The following CDH15 variants were observed in gnomAD, a reference collection of about 807,000 sequenced individuals.
CDH15 encodes cadherin 15.
Under a neutral mutation model 69.4 loss-of-function variants are expected in CDH15, and 73 were observed. The observed-to-expected ratio is 1.05, with a 90% CI of 0.87 to 1.28. The LOEUF (loss-of-function observed/expected upper bound fraction) is 1.28. CDH15 is among the 50% of genes most tolerant of loss of function. The pLI is 0.00. For synonymous variants in CDH15, 624 were observed against 507.7 expected (o/e 1.23, Z -3.08); for missense variants, 1,343 against 1,133.6 (o/e 1.18, Z -2.65).
intron 11 of CDH15, among the ~76,000 whole-genome samples, chr16:89,192,864 A>C (rs186659835): frequency 1.6e-5 from 1 of 64,170 alleles, no homozygotes; most frequent in African/African-American, 7.2e-5. Flanking sequence ...AGTACCAGCC[A>C]CGCCGCTTCC....
chr16:89,187,349 G>A (rs1915512857), intron 5 of CDH15, 80 bp from the exon 6 acceptor site: 2 of 1,566,864 alleles, frequency 1.3e-6, no homozygotes, highest in Non-Finnish European at 1.7e-6. Context: ...CTGGCCAGGT[G>A]GCCTGGCTCC....
rs747534483 is a variant in CDH15, at chr16:89,180,276, G to A, written c.278G>A (p.Gly93Asp). Residue 93 changes from glycine to aspartate, a missense_variant, in exon 3 of 14, where the codon GGC becomes GAC. Transcript: ENST00000289746. ...CCCGGCGTGGATGAGGAGCCCCGGG[G>A]CGTCTTCTCTATCGACAAGTTCACA... Reference protein sequence around the residue: ...QGPGVDEEPRGVFSIDKFTGK... With the variant: ...QGPGVDEEPRDVFSIDKFTGK... The A allele has an allele frequency of 1.2e-6, 2 of 1,610,708 alleles. No homozygotes were observed. Among genetic ancestry groups the A allele is most frequent in the Non-Finnish European group, 1.7e-6 (2 of 1,178,702 alleles).
At chr16:89,188,711 G>C (rs1331424720) in intron 7 of CDH15, among the ~76,000 whole-genome samples, 2 of 75,304 alleles carry the variant, frequency 2.7e-5, no homozygotes, top group South Asian at 4.5e-4. Context: ...CACAGATGGC[G>C]GCACACACAG....
chr16:89,185,053 G>T, intron 4 of CDH15, 120 bp from the exon 5 acceptor site: 1 of 941,884 alleles, frequency 1.1e-6, no homozygotes, highest in Non-Finnish European at 1.6e-6. Flanking sequence ...TGCCCCATCT[G>T]GGGTCAGCCG....
rs1200367036 is a variant in CDH15 at position 89,171,753 on chromosome 16, G to T, written c.-79G>T. 1 of 1,294,166 alleles carries T rather than the reference G, an allele frequency of 7.7e-7. No individual in the cohort carries two copies. The highest frequency in any genetic ancestry group is 1.0e-6 in the Non-Finnish European group (1 of 970,786). The allele number at this position is 1,294,166 out of a possible 1,614,324, so 80.2% of individuals were successfully genotyped here. A position where few individuals can be genotyped will look rare whatever the true frequency, so the allele number is the denominator to read the frequency against. ...TGTCTCTGGCCCTGGCCCGCCCCGCGCACTTGCGCTGTCACTCAGCCTGGA... is the reference window on the plus strand; with the variant it reads ...TGTCTCTGGCCCTGGCCCGCCCCGCTCACTTGCGCTGTCACTCAGCCTGGA... On this transcript the variant is annotated 5_prime_UTR_variant, in exon 1 of 14. Coordinates refer to ENST00000289746, the MANE Select transcript of CDH15 (RefSeq NM_004933.3).
intron 13 of CDH15, 38 bp downstream of exon 13, chr16:89,193,951 C>T (rs367787567): frequency 3.4e-5 from 54 of 1,603,752 alleles, no homozygotes; most frequent in Admixed American, 1.0e-4. Context: ...CACACAGGCA[C>T]GCACAGGTGC....
Position 89,183,584 on chromosome 16 carries a change from C to G in CDH15, c.394C>G (p.Leu132Val). ...TGCCCTGGACCTGGGAGGATCCACCCTGGAGGACCCCACGGACCTGGAGAT... is the reference window on the plus strand; with the variant it reads ...TGCCCTGGACCTGGGAGGATCCACCGTGGAGGACCCCACGGACCTGGAGAT... Reference protein sequence around the residue: ...AFALDLGGSTLEDPTDLEIVV... With the variant: ...AFALDLGGSTVEDPTDLEIVV... Residue 132 changes from leucine to valine, a missense_variant, in exon 4 of 14, where the codon CTG (leucine) becomes GTG (valine). Transcript: ENST00000289746. The G allele has an allele frequency of 6.2e-7, 1 of 1,614,134 alleles. No individual in the cohort carries two copies. The highest frequency in any genetic ancestry group is 8.5e-7 in the Non-Finnish European group (1 of 1,180,020).
At chr16:89,186,539 G>A (rs1915492331) in intron 5 of CDH15, among the ~76,000 whole-genome samples, 1 of 122,846 alleles carries the variant, frequency 8.1e-6, no homozygotes, top group African/African-American at 3.2e-5. Context: ...CTCTGTAAAC[G>A]CTTACCCAGC....
chr16:89,190,222 G>A, intron 7 of CDH15, 21 bp from the exon 8 acceptor site: 2 of 1,609,826 alleles, frequency 1.2e-6, no homozygotes, highest in Non-Finnish European at 1.7e-6. Context: ...GCGGATGACG[G>A]GCTGTGCTTC....
intron 1 of CDH15, among the ~76,000 whole-genome samples, chr16:89,177,789 C>T (rs991216931): frequency 5.9e-5 from 9 of 152,204 alleles, no homozygotes; most frequent in African/African-American, 2.2e-4. Context: ...AGCCCAGAGC[C>T]ATGTCCTGTC....
intron 3 of CDH15, chr16:89,183,315 A>C: frequency 1.8e-6 from 1 of 546,616 alleles, no homozygotes; most frequent in South Asian, 2.3e-5. Context: ...CTGGCTGCCA[A>C]GGCAAGCAGG....
At position 89,191,435 on chromosome 16, in the gene CDH15, C is replaced by A; in HGVS notation, c.1338C>A (p.Gly446=). Residue 446 remains glycine, a synonymous_variant, in exon 9 of 14, where the codon GGC becomes GGA. Coordinates refer to ENST00000289746, the MANE Select transcript of CDH15 (RefSeq NM_004933.3). ...GCCCGGCGTCCCCCTTCCTCAAGGG[C>A]GGCTGGTACAGAGCCATCGTCCTGG... ...VLSPASPFLK[G]GWYRAIVLAQ... 2 of 1,612,690 alleles carry A rather than the reference C, an allele frequency of 1.2e-6. No individual in the cohort carries two copies. Among genetic ancestry groups the A allele is most frequent in the South Asian group, 1.1e-5 (1 of 91,074 alleles).
chr16:89,195,084 T>TG lies in CDH15; in HGVS notation c.2377dup (p.Asp793GlyfsTer39), dbSNP rs1197944015. 6.2e-7 allele frequency: 1 copy of TG among 1,611,848 alleles called. No homozygotes were observed. The highest frequency in any genetic ancestry group is 1.3e-5 in the African/African-American group (1 of 75,018). On this transcript the variant is annotated frameshift_variant, in exon 14 of 14. Transcript: ENST00000289746. LOFTEE classifies it low-confidence loss of function (END_TRUNC). Reference sequence around the variant, plus strand: ...GTGCGGGTTGGAGTACGGGGCCAGATGGGACCACCAGGCCAGGGAGGGTCT... The same window carrying TG: ...GTGCGGGTTGGAGTACGGGGCCAGATGGGGACCACCAGGCCAGGGAGGGTCT...
At chr16:89,174,354 C>A (rs1360534600) in intron 1 of CDH15, among the ~76,000 whole-genome samples, 1 of 152,122 alleles carries the variant, frequency 6.6e-6, no homozygotes. Context: ...TCTTCCCAGG[C>A]AAACCCACCC....
chr16:89,184,774 G>C (rs1915446590), intron 4 of CDH15, among the ~76,000 whole-genome samples: 1 of 152,198 alleles, frequency 6.6e-6, no homozygotes, highest in African/African-American at 2.4e-5. Flanking sequence ...GATGCCAGCA[G>C]CTCCTGGAGG....
intron 13 of CDH15, among the ~76,000 whole-genome samples, chr16:89,194,214 G>A (rs371488207): frequency 9.2e-5 from 14 of 152,332 alleles, no homozygotes; most frequent in African/African-American, 3.4e-4. Context: ...AGCCCCGGGA[G>A]CATCCCCTGG....
At chr16:89,192,536 C>T (rs1328790508) in intron 11 of CDH15, 92 bp downstream of exon 11, 74 of 1,391,626 alleles carry the variant, frequency 5.3e-5, no homozygotes, top group Non-Finnish European at 7.1e-5. Flanking sequence ...CCGCTTCCTC[C>T]CCAGCTCCGC....
intron 7 of CDH15, among the ~76,000 whole-genome samples, chr16:89,188,695 CCCACGCACAGATGG>C (rs1470712601): frequency 7.0e-5 from 10 of 141,980 alleles, no homozygotes; most frequent in South Asian, 2.3e-4. Context: ...CACACAGATG[CCCACGCACAGATGG>C]CGGCACACAC....
chr16:89,191,214 G>C (rs557196991), intron 8 of CDH15, 116 bp from the exon 9 acceptor site: 11 of 1,167,314 alleles, frequency 9.4e-6, no homozygotes, highest in Admixed American at 1.7e-5. Flanking sequence ...GTGCATGCAT[G>C]TGGTATGTAT....
Sources: gnomAD v4.1 joint callset for allele counts (sites outside exome capture counted in the v4.1 genomes callset) on GRCh38, gnomAD v4.1.1 for gene constraint, MANE v1.5 for transcripts, NCBI Gene and HGNC (gene_info 2026-07-23, HGNC 2026-07-21) for gene names.